SLC14A2: variants seen among roughly 807,000 people sequenced by gnomAD.
SLC14A2 encodes the protein urea transporter 2.
SLC14A2 carries 91 observed loss-of-function variants against 104.6 expected under a neutral mutation model. The ratio of observed to expected loss-of-function variants is 0.87; its 90% CI spans 0.73 to 1.04. SLC14A2 has a LOEUF of 1.04. Among genes scored for constraint, SLC14A2 ranks in the 50% least tolerant of loss-of-function variants. The pLI, the probability that SLC14A2 is intolerant of heterozygous loss-of-function variation, is 0.00. For missense variants in SLC14A2, 1,189 were observed against 1,156.0 expected (o/e 1.03, Z -0.41); for synonymous variants, 476 against 466.4 (o/e 1.02, Z -0.27).
intron 1 of SLC14A2, among the ~76,000 whole-genome samples, chr18:45,277,652 A>G (rs914818284): frequency 6.6e-6 from 1 of 152,118 alleles, no homozygotes; most frequent in African/African-American, 2.4e-5. Flanking sequence ...CAAGCAATCC[A>G]CCCACCTTGG....
At chr18:45,266,210 A>G (rs1453277259) in intron 1 of SLC14A2, among the ~76,000 whole-genome samples, 3 of 152,092 alleles carry the variant, frequency 2.0e-5, no homozygotes, top group Non-Finnish European at 2.9e-5. Context: ...CTGGTTCCCT[A>G]CTGCTTCAGT....
intron 2 of SLC14A2, among the ~76,000 whole-genome samples, chr18:45,505,460 C>A (rs1397263160): frequency 6.6e-6 from 1 of 152,158 alleles, no homozygotes; most frequent in Admixed American, 6.5e-5. Context: ...GTAATATTCC[C>A]TGAGAATGCT....
intron 1 of SLC14A2, among the ~76,000 whole-genome samples, chr18:45,404,278 G>A (rs1397463946): frequency 7.9e-5 from 12 of 152,110 alleles, no homozygotes; most frequent in East Asian, 1.9e-4. Flanking sequence ...ATGGATTAAC[G>A]AGCCTAATGT....
intron 1 of SLC14A2, among the ~76,000 whole-genome samples, chr18:45,357,846 C>T (rs2085571131): frequency 6.6e-6 from 1 of 152,138 alleles, no homozygotes; most frequent in Non-Finnish European, 1.5e-5. Context: ...TCCAGAAAGC[C>T]CCCAGCTCTG....
chr18:45,426,097 T>C (rs2086422085), intron 1 of SLC14A2, among the ~76,000 whole-genome samples: 1 of 152,128 alleles, frequency 6.6e-6, no homozygotes, highest in Admixed American at 6.5e-5. Flanking sequence ...ACTCTCCTGC[T>C]CACTCCTCCA....
chr18:45,537,931 G>T (rs79818913), intron 2 of SLC14A2, among the ~76,000 whole-genome samples: 2,696 of 152,256 alleles, frequency 0.018, 81 homozygotes, highest in African/African-American at 0.061. Context: ...ATAAAAATGT[G>T]GTGCCATCAA....
intron 4 of SLC14A2, among the ~76,000 whole-genome samples, chr18:45,628,089 G>A (rs183755034): frequency 3.7e-4 from 56 of 151,738 alleles, no homozygotes; most frequent in Non-Finnish European, 6.5e-4. Context: ...AGACTTTGCC[G>A]TATATTTTTC....
At chr18:45,380,537 A>G (rs2085823808) in intron 1 of SLC14A2, among the ~76,000 whole-genome samples, 1 of 152,226 alleles carries the variant, frequency 6.6e-6, no homozygotes, top group South Asian at 2.1e-4. Flanking sequence ...TTATTTCTAT[A>G]GTGAGAATGA....
chr18:45,603,697 C>G (rs2044823655), intron 2 of SLC14A2, among the ~76,000 whole-genome samples: 1 of 152,154 alleles, frequency 6.6e-6, no homozygotes, highest in East Asian at 1.9e-4. Context: ...AACAGTGTGC[C>G]AGAGCTCTCC....
chr18:45,351,700 A>T (rs1387772765), intron 1 of SLC14A2, among the ~76,000 whole-genome samples: 1 of 152,200 alleles, frequency 6.6e-6, no homozygotes, highest in East Asian at 1.9e-4. Flanking sequence ...ATTTCCAGCC[A>T]ATTACTGGGT....
intron 2 of SLC14A2, among the ~76,000 whole-genome samples, chr18:45,584,801 A>G (rs372597902): frequency 8.5e-5 from 13 of 152,236 alleles, no homozygotes; most frequent in African/African-American, 2.9e-4. Flanking sequence ...AGACTCTGAT[A>G]GCAGGTTTCT....
At chr18:45,203,050 C>T in the SLC14A2 span, among the ~76,000 whole-genome samples, 1 of 152,166 alleles carries the variant, frequency 6.6e-6, no homozygotes, top group South Asian at 2.1e-4. Flanking sequence ...AGCAAATTCT[C>T]CAATGGCAAA....
At chr18:45,302,660 T>G (rs1018172080) in intron 1 of SLC14A2, among the ~76,000 whole-genome samples, 2 of 152,162 alleles carry the variant, frequency 1.3e-5, no homozygotes, top group African/African-American at 4.8e-5. Flanking sequence ...CAACAGACAC[T>G]CGGGTTCTAT....
the SLC14A2 span, among the ~76,000 whole-genome samples, chr18:45,177,989 TCTTCAGCCTATG>T: frequency 6.6e-6 from 1 of 152,152 alleles, no homozygotes; most frequent in Non-Finnish European, 1.5e-5. Flanking sequence ...AAAAATGTCT[TCTTCAGCCTATG>T]CTTCAGCCCA....
intron 1 of SLC14A2, among the ~76,000 whole-genome samples, chr18:45,445,645 A>G (rs2086755817): frequency 6.6e-6 from 1 of 152,212 alleles, no homozygotes; most frequent in Non-Finnish European, 1.5e-5. Context: ...TGAATGAGTA[A>G]TATGTGCAAA....
chr18:45,546,273 T>C (rs2043967842), intron 2 of SLC14A2, among the ~76,000 whole-genome samples: 1 of 152,352 alleles, frequency 6.6e-6, no homozygotes, highest in Non-Finnish European at 1.5e-5. Context: ...AACGAACTCC[T>C]AGAAGAATTG....
At chr18:45,221,932 A>C (rs2084066477) in intron 1 of SLC14A2, among the ~76,000 whole-genome samples, 1 of 152,186 alleles carries the variant, frequency 6.6e-6, no homozygotes, top group Admixed American at 6.5e-5. Flanking sequence ...ACACATCCTC[A>C]AAATAAGCAA....
chr18:45,549,644 C>T (rs1001593933), intron 2 of SLC14A2, among the ~76,000 whole-genome samples: 23 of 152,380 alleles, frequency 1.5e-4, no homozygotes, highest in Middle Eastern at 3.4e-3. Context: ...GATGCTACGG[C>T]AAGTTGCCTT....
At chr18:45,191,841 A>T in the SLC14A2 span, among the ~76,000 whole-genome samples, 1 of 152,046 alleles carries the variant, frequency 6.6e-6, no homozygotes, top group East Asian at 1.9e-4. Context: ...AATCATGAGT[A>T]GATCTGGAAA....
Sources: gnomAD v4.1 joint callset for allele counts (sites outside exome capture counted in the v4.1 genomes callset) on GRCh38, gnomAD v4.1.1 for gene constraint, MANE v1.5 for transcripts, NCBI Gene and HGNC (gene_info 2026-07-23, HGNC 2026-07-21) for gene names.